Variants in RARB observed in about 807,000 individuals in gnomAD.
RARB encodes the protein HBV-activated protein.
Under a neutral mutation model 51.9 loss-of-function variants are expected in RARB, and 17 were observed. That is an observed-to-expected ratio of 0.33 (90% CI 0.22 to 0.49). The LOEUF (loss-of-function observed/expected upper bound fraction) is 0.49. Ranked by LOEUF, RARB falls within the 20% of genes least tolerant of loss-of-function variation. The pLI is 0.99. For synonymous variants in RARB, 215 were observed against 195.4 expected (o/e 1.10, Z -0.84); for missense variants, 369 against 550.8 (o/e 0.67, Z 3.30).
intron 1 of RARB, among the ~76,000 whole-genome samples, chr3:24,842,131 AG>A (rs1702427731): frequency 6.6e-6 from 1 of 152,188 alleles, no homozygotes; most frequent in Admixed American, 6.5e-5. Flanking sequence ...GAAAAGACTG[AG>A]AACTGCCCAA....
chr3:25,044,535 C>T (rs570276425), intron 2 of RARB, among the ~76,000 whole-genome samples: 6 of 152,178 alleles, frequency 3.9e-5, no homozygotes, highest in African/African-American at 1.2e-4. Context: ...TCGTAGTAAT[C>T]AGCCTGGGAT....
intron 2 of RARB, among the ~76,000 whole-genome samples, chr3:24,981,825 G>A (rs982455124): frequency 1.3e-5 from 2 of 152,160 alleles, no homozygotes; most frequent in African/African-American, 2.4e-5. Flanking sequence ...AGACAAACCA[G>A]GTACCTCAGT....
At chr3:25,398,004 G>A (rs919894145) in intron 5 of RARB, among the ~76,000 whole-genome samples, 2 of 151,918 alleles carry the variant, frequency 1.3e-5, no homozygotes, top group Admixed American at 6.6e-5. Flanking sequence ...TAAAATTTAG[G>A]CTGAAGCTAA....
At chr3:25,329,824 C>A (rs908559007) in intron 5 of RARB, among the ~76,000 whole-genome samples, 1 of 152,028 alleles carries the variant, frequency 6.6e-6, no homozygotes, top group Non-Finnish European at 1.5e-5. Flanking sequence ...CCTTAAATGG[C>A]CTGATGGAGC....
At chr3:25,198,948 C>A (rs545717031) in intron 5 of RARB, among the ~76,000 whole-genome samples, 18 of 152,066 alleles carry the variant, frequency 1.2e-4, no homozygotes, top group African/African-American at 4.3e-4. Flanking sequence ...TTGGTATATA[C>A]CCCCAAAAAA....
At chr3:24,898,144 T>C (rs6771428) in intron 2 of RARB, among the ~76,000 whole-genome samples, 2,371 of 152,234 alleles carry the variant, frequency 0.016, 57 homozygotes, top group African/African-American at 0.054. Context: ...CCACACATTG[T>C]TGGTGGCCTG....
At position 25,428,665 on chromosome 3, in the gene RARB, T is replaced by C; in HGVS notation, c.-67T>C. 3.3e-6 allele frequency: 5 copies of C among 1,529,454 alleles called. No individual in the cohort carries two copies. Among genetic ancestry groups the C allele is most frequent in the Admixed American group, 3.6e-5 (2 of 55,818 alleles). 94.7% of individuals were successfully genotyped at this position (1,529,454 alleles called of 1,614,324 possible). ...GAGTTTGATGGAGTTGGGTGGACTTTTCTATGCCATTTGCCTCCACACCTA... is the reference window on the plus strand; with the variant it reads ...GAGTTTGATGGAGTTGGGTGGACTTCTCTATGCCATTTGCCTCCACACCTA... On this transcript the variant is annotated 5_prime_UTR_variant, in exon 1 of 8. Transcript: ENST00000330688.
chr3:24,970,474 T>G (rs1037673798), intron 2 of RARB, among the ~76,000 whole-genome samples: 1 of 151,946 alleles, frequency 6.6e-6, no homozygotes, highest in African/African-American at 2.4e-5. Flanking sequence ...GAAGACTAGA[T>G]ACTGATAATG....
At chr3:25,176,361 C>CTTT (rs1700750869) in intron 5 of RARB, among the ~76,000 whole-genome samples, 31 of 109,980 alleles carry the variant, frequency 2.8e-4, no homozygotes, top group African/African-American at 6.7e-4. Context: ...TTCCTTCCTT[C>CTTT]CTTCCTTCCT....
chr3:25,230,203 T>C (rs1424763796), intron 5 of RARB, among the ~76,000 whole-genome samples: 1 of 152,128 alleles, frequency 6.6e-6, no homozygotes, highest in Non-Finnish European at 1.5e-5. Context: ...AATGATTTTA[T>C]AATGATTAAG....
chr3:24,881,488 C>T (rs974749566), intron 2 of RARB, among the ~76,000 whole-genome samples: 2 of 152,106 alleles, frequency 1.3e-5, no homozygotes, highest in Admixed American at 6.5e-5. Flanking sequence ...GTTGAGTGAA[C>T]TCATTGAGTA....
intron 5 of RARB, among the ~76,000 whole-genome samples, chr3:25,204,286 A>G (rs1701472275): frequency 6.6e-6 from 1 of 152,124 alleles, no homozygotes; most frequent in Admixed American, 6.5e-5. Context: ...CAGGTCCTTT[A>G]AGGACTTCTC....
At chr3:25,366,494 A>G (rs1706123550) in intron 5 of RARB, among the ~76,000 whole-genome samples, 1 of 152,378 alleles carries the variant, frequency 6.6e-6, no homozygotes, top group South Asian at 2.1e-4. Context: ...AAAGGATTTT[A>G]GAATATGTGT....
rs189011589 is a variant in RARB at position 25,141,243 on chromosome 3, T to G, written c.-280+9035T>G. Among the ~76,000 whole-genome samples, 551 of 152,280 alleles carry G rather than the reference T, an allele frequency of 3.6e-3. 6 individuals are homozygous for G. The highest frequency in any genetic ancestry group is 0.013 in the African/African-American group (536 of 41,560). On this transcript the variant is annotated intron_variant, in intron 4 of 11. Transcript: ENST00000383772. ...TAAACGTTCTTAAAAGATATTTGCC[T>G]GTCCTTGCATGACTTTTGACACTGA...
rs997950574 is a variant in RARB at position 24,858,318 on chromosome 3, C to T, written c.-458-356C>T. On this transcript the variant is annotated intron_variant, in intron 1 of 11. Transcript: ENST00000383772. The stretch of plus-strand genomic sequence containing the variant: ...TTTAATTTGCTATTGGGTCAAAGGT[C>T]CATGCTAGTGGGATGGGCACTATAA... Among the ~76,000 whole-genome samples the T allele has an allele frequency of 4.6e-5, 7 of 152,026 alleles. No homozygotes were observed. The South Asian group carries it at 1.2e-3, about 27-fold the overall frequency.
chr3:25,470,397 T>C (rs1695626911), intron 2 of RARB, among the ~76,000 whole-genome samples: 1 of 152,162 alleles, frequency 6.6e-6, no homozygotes, highest in Non-Finnish European at 1.5e-5. Context: ...CTGTGACAAT[T>C]GTAGCTAAGG....
chr3:24,930,892 A>T (rs1695423655), intron 2 of RARB, among the ~76,000 whole-genome samples: 1 of 152,026 alleles, frequency 6.6e-6, no homozygotes. Context: ...GCCCATTTGC[A>T]GTTCTAGTTA....
At chr3:24,883,878 A>G (rs1037331348) in intron 2 of RARB, among the ~76,000 whole-genome samples, 1 of 152,140 alleles carries the variant, frequency 6.6e-6, no homozygotes. Context: ...CTTCATTTAT[A>G]TCTATGTATC....
intron 2 of RARB, among the ~76,000 whole-genome samples, chr3:24,885,306 T>C (rs942185469): frequency 7.2e-5 from 11 of 152,088 alleles, no homozygotes; most frequent in Non-Finnish European, 1.2e-4. Flanking sequence ...TTTGGGAATT[T>C]GGTAATTTCC....
Sources: allele counts gnomAD v4.1 joint callset (sites outside exome capture counted in the v4.1 genomes callset), GRCh38; gene constraint gnomAD v4.1.1; transcripts MANE v1.5; gene names NCBI Gene and HGNC (gene_info 2026-07-23, HGNC 2026-07-21).